The following SNAP91 variants were observed in gnomAD, a reference collection of about 807,000 sequenced individuals.
SNAP91 encodes the protein clathrin coat assembly protein AP180.
A neutral mutation model predicts 100.3 loss-of-function variants in SNAP91; 27 were observed. The ratio of observed to expected loss-of-function variants is 0.27; its 90% CI spans 0.20 to 0.37. The LOEUF (loss-of-function observed/expected upper bound fraction) is 0.37. Ranked by LOEUF, SNAP91 falls within the 10% of genes least tolerant of loss-of-function variation. The probability of loss-of-function intolerance (pLI) is 1.00; values close to 1 mark genes in which losing one functional copy is unlikely to be tolerated. For synonymous variants in SNAP91, 404 were observed against 398.6 expected (o/e 1.01, Z -0.16); for missense variants, 986 against 1,123.7 (o/e 0.88, Z 1.75).
intron 8 of SNAP91, among the ~76,000 whole-genome samples, chr6:83,640,725 AC>A (rs1391144296): frequency 6.6e-6 from 1 of 152,216 alleles, no homozygotes; most frequent in Non-Finnish European, 1.5e-5. Flanking sequence ...AGAATAATAA[AC>A]AGGCTTTTCT....
In SNAP91 at chr6:83,686,569, C is replaced by A. The variant is rs985852451; in HGVS notation, c.131-20988G>T. Among the ~76,000 whole-genome samples, 5 of 152,268 alleles carry A rather than the reference C, an allele frequency of 3.3e-5. No individual in the cohort carries two copies. In the South Asian group the frequency reaches 6.2e-4, roughly 19 times the overall value. ...ATTTAGGGCCCAATTTGGGCCCAGG[C>A]CACTATATGGGAAAATAATCACTTT... On this transcript the variant is annotated intron_variant, in intron 2 of 29. Transcript: ENST00000369694.
chr6:83,569,992 C>G (rs929528507), intron 26 of SNAP91, among the ~76,000 whole-genome samples: 4 of 151,958 alleles, frequency 2.6e-5, no homozygotes, highest in Non-Finnish European at 4.4e-5. Context: ...AAAATGGTAT[C>G]AGTAGAGTGG....
chr6:83,706,830 A>G (rs970978160), intron 2 of SNAP91, among the ~76,000 whole-genome samples: 3 of 152,268 alleles, frequency 2.0e-5, no homozygotes, highest in African/African-American at 7.2e-5. Flanking sequence ...AAGCAGGTCA[A>G]GAGAACTAAA....
intron 8 of SNAP91, among the ~76,000 whole-genome samples, chr6:83,639,129 T>C (rs2097573911): frequency 6.6e-6 from 1 of 152,206 alleles, no homozygotes; most frequent in Non-Finnish European, 1.5e-5. Context: ...AAATAACCAA[T>C]ATATAAAGTT....
At position 83,607,967 on chromosome 6, in the gene SNAP91, T is replaced by C. The variant is rs139617258; in HGVS notation, c.913-159A>G. Among the ~76,000 whole-genome samples, 4 of 152,276 alleles carry C rather than the reference T, an allele frequency of 2.6e-5. No individual in the cohort carries two copies. The East Asian group carries it at 7.7e-4, about 29-fold the overall frequency. ...ACTCAATAAAATTTGAAATCAAGGA[T>C]TGTAATAAATAATCAATATTGGCTA... On this transcript the variant is annotated intron_variant, in intron 12 of 29. Coordinates refer to ENST00000369694, the MANE Select transcript of SNAP91 (RefSeq NM_001242792.2).
intron 8 of SNAP91, among the ~76,000 whole-genome samples, chr6:83,635,117 T>C (rs917355933): frequency 3.3e-5 from 5 of 152,120 alleles, no homozygotes; most frequent in Non-Finnish European, 5.9e-5. Context: ...CATTCTGCGG[T>C]TGTTGGGTGG....
intron 8 of SNAP91, among the ~76,000 whole-genome samples, chr6:83,627,366 G>C (rs962596304): frequency 6.6e-6 from 1 of 152,004 alleles, no homozygotes; most frequent in Admixed American, 6.6e-5. Context: ...TGGTTTCACA[G>C]AATGAGTTAG....
intron 7 of SNAP91, among the ~76,000 whole-genome samples, chr6:83,644,153 ATCAAGCTGAATATC>A (rs1208176182): frequency 6.6e-6 from 1 of 152,214 alleles, no homozygotes; most frequent in African/African-American, 2.4e-5. Context: ...AAAAAGAAAA[ATCAAGCTGAATATC>A]TCAATTTCCT....
At chr6:83,573,406 C>A (rs923902590) in intron 26 of SNAP91, among the ~76,000 whole-genome samples, 1 of 152,090 alleles carries the variant, frequency 6.6e-6, no homozygotes, top group Admixed American at 6.5e-5. Context: ...AATGCCATCC[C>A]CATCAAGCTA....
intron 7 of SNAP91, among the ~76,000 whole-genome samples, chr6:83,651,538 T>C (rs1277345830): frequency 1.3e-5 from 2 of 152,194 alleles, no homozygotes; most frequent in African/African-American, 4.8e-5. Context: ...TCTCCACCTA[T>C]TCTGAGATTT....
intron 26 of SNAP91, among the ~76,000 whole-genome samples, chr6:83,572,959 AG>A (rs772566918): frequency 1.3e-5 from 2 of 152,188 alleles, no homozygotes; most frequent in Non-Finnish European, 2.9e-5. Flanking sequence ...AGCAAAATAG[AG>A]GCTATCAAAT....
chr6:83,676,327 T>C (rs2098896177), intron 2 of SNAP91, among the ~76,000 whole-genome samples: 1 of 151,976 alleles, frequency 6.6e-6, no homozygotes, highest in Non-Finnish European at 1.5e-5. Flanking sequence ...GCACAGATAA[T>C]GTTATGAAAA....
At position 83,707,970 on chromosome 6, in the gene SNAP91, AG is replaced by A. The variant is rs775523604; in HGVS notation, c.-30-14del. 1.3e-6 allele frequency: 2 copies of A among 1,537,334 alleles called. No individual in the cohort carries two copies. The highest frequency in any genetic ancestry group is 2.8e-5 in the African/African-American group (2 of 70,498). ...ACCGCCTCCTCTTCTGCAGGAAACAAGGGGAGACGGTCCGGCTTTAATCCGC... is the reference window on the plus strand; with the variant it reads ...ACCGCCTCCTCTTCTGCAGGAAACAAGGGAGACGGTCCGGCTTTAATCCGC... On this transcript the variant is annotated splice_polypyrimidine_tract_variant and intron_variant, in intron 1 of 29. Transcript: ENST00000369694.
intron 13 of SNAP91, among the ~76,000 whole-genome samples, 155 bp downstream of exon 13, chr6:83,607,540 GAGGC>G (rs2128288851): frequency 6.6e-6 from 1 of 152,252 alleles, no homozygotes; most frequent in Non-Finnish European, 1.5e-5. Context: ...AATGATTTAA[GAGGC>G]ACAGGAGTAA....
At chr6:83,587,155 T>C (rs2128161823) in intron 22 of SNAP91, among the ~76,000 whole-genome samples, 1 of 152,256 alleles carries the variant, frequency 6.6e-6, no homozygotes, top group South Asian at 2.1e-4. Context: ...TTTAAAATGG[T>C]TCTTAATGTT....
chr6:83,621,050 T>C (rs536002033), intron 9 of SNAP91, among the ~76,000 whole-genome samples: 2 of 78,410 alleles, frequency 2.6e-5, no homozygotes, highest in Non-Finnish European at 4.9e-5. Context: ...TAAAAAATCT[T>C]TTAGGGTTGG....
chr6:83,652,646 G>T (rs9444096), intron 7 of SNAP91, among the ~76,000 whole-genome samples: 3,386 of 152,090 alleles, frequency 0.022, 130 homozygotes, highest in African/African-American at 0.076. Flanking sequence ...AAGAATCAGG[G>T]AAATAAAAGT....
At chr6:83,613,668 G>GCTCAGT (rs905919707) in intron 11 of SNAP91, among the ~76,000 whole-genome samples, 3 of 152,198 alleles carry the variant, frequency 2.0e-5, no homozygotes, top group African/African-American at 7.2e-5. Flanking sequence ...CAGAGCCTAT[G>GCTCAGT]CTCAGTCCAC....
At chr6:83,628,585 G>A (rs35380664) in intron 8 of SNAP91, among the ~76,000 whole-genome samples, 32,161 of 151,048 alleles carry the variant, frequency 0.21, 4,228 homozygotes, top group East Asian at 0.4. Context: ...AGGTGGTATC[G>A]CATTGCAGTT....
Sources: gnomAD v4.1 joint callset for allele counts (sites outside exome capture counted in the v4.1 genomes callset) on GRCh38, gnomAD v4.1.1 for gene constraint, MANE v1.5 for transcripts, NCBI Gene and HGNC (gene_info 2026-07-23, HGNC 2026-07-21) for gene names.